The following VWA3A variants were observed in gnomAD, a reference collection of about 807,000 sequenced individuals.
The protein encoded by VWA3A is von Willebrand factor A domain-containing protein 3A.
In VWA3A, 134 loss-of-function variants were observed where a neutral mutation model predicts 160.4. The ratio of observed to expected loss-of-function variants is 0.84; its 90% CI spans 0.73 to 0.96. The LOEUF is 0.96. Among genes scored for constraint, VWA3A ranks in the 40% least tolerant of loss-of-function variants. The pLI is 0.00. For missense variants in VWA3A, 1,310 were observed against 1,447.9 expected, an observed-to-expected ratio of 0.90 and a Z score of 1.55; for synonymous variants, 476 against 543.4, an observed-to-expected ratio of 0.88 and a Z score of 1.72.
At chr16:22,102,357 AAAG>A (rs34102330) in intron 5 of VWA3A, among the ~76,000 whole-genome samples, 30,009 of 151,776 alleles carry the variant, frequency 0.2, 3,654 homozygotes, top group South Asian at 0.44. Flanking sequence ...TCTCAAATAA[AAAG>A]AAGAAGAAGA....
At chr16:22,114,222 A>G (rs576781663) in intron 8 of VWA3A, among the ~76,000 whole-genome samples, 4 of 152,288 alleles carry the variant, frequency 2.6e-5, no homozygotes, top group South Asian at 2.1e-4. Flanking sequence ...TCTCTTTCAG[A>G]TTTTTGATTT....
In VWA3A at chr16:22,111,014, G is replaced by T; in HGVS notation, c.689+20G>T. 6.4e-7 allele frequency: 1 copy of T among 1,573,522 alleles called. No homozygotes were observed. The highest frequency in any genetic ancestry group is 8.6e-7 in the Non-Finnish European group (1 of 1,158,226). ...CTCCACGTGAGTGGCTTTCCTACCT[G>T]ACGGTGATGTTCACTTGTTCATTTT... is the stretch of plus-strand genomic sequence containing the variant. On this transcript the variant is annotated intron_variant, in intron 8 of 33. Transcript: ENST00000389398.
chr16:22,148,046 C>T, intron 27 of VWA3A, 116 bp from the exon 28 acceptor site: 2 of 1,299,934 alleles, frequency 1.5e-6, no homozygotes, highest in South Asian at 3.1e-5. Context: ...AATCAATGAT[C>T]AGGCAGGCAA....
intron 14 of VWA3A, 72 bp downstream of exon 14, chr16:22,121,689 A>G: frequency 8.3e-7 from 1 of 1,207,764 alleles, no homozygotes; most frequent in East Asian, 2.4e-5. Flanking sequence ...ACCTTCATAA[A>G]TGTTCTGGCA....
intron 17 of VWA3A, among the ~76,000 whole-genome samples, chr16:22,129,401 A>AG (rs1191280431): frequency 4.5e-4 from 62 of 137,200 alleles, no homozygotes; most frequent in African/African-American, 1.6e-3. Context: ...AAAAAAAAAA[A>AG]AAAAGAAAGA....
At chr16:22,152,217 G>GA (rs1289668424) in intron 30 of VWA3A, among the ~76,000 whole-genome samples, 1 of 152,088 alleles carries the variant, frequency 6.6e-6, no homozygotes, top group East Asian at 1.9e-4. Flanking sequence ...TCTCAGAAAA[G>GA]AAAAGAAATG....
At chr16:22,115,909 GGAAGGAAGGAAGGAAA>G (rs2045628928) in intron 9 of VWA3A, among the ~76,000 whole-genome samples, 8 of 35,414 alleles carry the variant, frequency 2.3e-4, no homozygotes, top group Admixed American at 2.9e-4. Flanking sequence ...AAGGAAGGAA[GGAAGGAAGGAAGGAAA>G]GGAAAGGAAA....
At chr16:22,144,132 C>A in intron 25 of VWA3A, 115 bp from the exon 26 acceptor site, 1 of 1,296,186 alleles carries the variant, frequency 7.7e-7, no homozygotes, top group East Asian at 2.6e-5. Context: ...ACCTGGGAAT[C>A]CCACATTTCA....
chr16:22,154,676 C>A (rs553163185), intron 31 of VWA3A, among the ~76,000 whole-genome samples: 44 of 151,834 alleles, frequency 2.9e-4, no homozygotes, highest in African/African-American at 1.1e-3. Flanking sequence ...ATGCCTCAGC[C>A]GGGCGCGGTG....
Position 22,154,316 on chromosome 16 carries a change from T to C in VWA3A, c.3406-1251T>C, listed in dbSNP as rs1209194309. The stretch of plus-strand genomic sequence containing the variant: ...GCAGAAGGGATGGCTTCCTCTTTTT[T>C]CTTTTTCTTTTTTTTTTTTTTTTTT... On this transcript the variant is annotated intron_variant, in intron 31 of 33. Transcript: ENST00000389398. Among the ~76,000 whole-genome samples, 4 of 145,376 alleles carry C rather than the reference T, an allele frequency of 2.8e-5. No homozygotes were observed. In the East Asian group the frequency reaches 6.1e-4, roughly 22 times the overall value.
At chr16:22,098,706 A>C (rs983559439) in intron 3 of VWA3A, among the ~76,000 whole-genome samples, 2 of 152,170 alleles carry the variant, frequency 1.3e-5, no homozygotes, top group African/African-American at 4.8e-5. Context: ...TCAAGTATGA[A>C]TAATACAAAA....
At chr16:22,093,051 G>C (rs1901392066) in intron 1 of VWA3A, among the ~76,000 whole-genome samples, 1 of 151,972 alleles carries the variant, frequency 6.6e-6, no homozygotes, top group Non-Finnish European at 1.5e-5. Flanking sequence ...TTCCTCTCCT[G>C]CAATCACCTC....
chr16:22,120,318 A>T (rs1408469601), intron 12 of VWA3A, among the ~76,000 whole-genome samples: 1 of 152,170 alleles, frequency 6.6e-6, no homozygotes, highest in East Asian at 1.9e-4. Context: ...GGATTAAATT[A>T]TTTTTTAAAT....
intron 14 of VWA3A, among the ~76,000 whole-genome samples, chr16:22,122,871 C>T (rs35761217): frequency 5.3e-5 from 8 of 152,102 alleles, no homozygotes; most frequent in African/African-American, 1.7e-4. Flanking sequence ...CTCTAAGGCT[C>T]TCTACTTCCA....
At chr16:22,107,470 G>A (rs757592316) in intron 6 of VWA3A, among the ~76,000 whole-genome samples, 9 of 152,150 alleles carry the variant, frequency 5.9e-5, no homozygotes, top group Non-Finnish European at 1.2e-4. Flanking sequence ...GGCCAGGCAC[G>A]ATGGCTCATG....
intron 22 of VWA3A, among the ~76,000 whole-genome samples, chr16:22,139,272 G>C (rs1388766659): frequency 1.3e-5 from 2 of 152,196 alleles, no homozygotes; most frequent in African/African-American, 4.8e-5. Context: ...CTCCTCAGAG[G>C]CTGCCTCTTG....
chr16:22,150,144 G>A (rs2046323822), intron 29 of VWA3A, among the ~76,000 whole-genome samples: 1 of 152,172 alleles, frequency 6.6e-6, no homozygotes, highest in Admixed American at 6.6e-5. Flanking sequence ...GCTCACACCT[G>A]TAATCCCAGC....
rs1054970170 is a variant in VWA3A at position 22,115,448 on chromosome 16, C to A, written c.791C>A (p.Ser264Tyr). ...ATCTTCACTCTCAAGGGACTGGATT[C>A]CCTGGTGGCCATCATGAGAAGCTGG... Reference protein sequence around the residue: ...KKIFTLKGLDSLVAIMRSCPD... With the variant: ...KKIFTLKGLDYLVAIMRSCPD... Residue 264 changes from serine to tyrosine, a missense_variant, in exon 9 of 34, where the codon TCC becomes TAC. By Grantham distance (144) the Ser-to-Tyr change is moderately radical. Transcript: ENST00000389398. The A allele has an allele frequency of 3.1e-6, 5 of 1,607,924 alleles. No homozygotes were observed. The highest frequency in any genetic ancestry group is 2.7e-5 in the African/African-American group (2 of 74,718).
chr16:22,100,138 C>T, intron 3 of VWA3A, 56 bp from the exon 4 acceptor site: 2 of 1,484,824 alleles, frequency 1.3e-6, no homozygotes, highest in East Asian at 2.5e-5. Context: ...GTGAAGGGAA[C>T]CTCTTCCTTC....
Sources: allele counts gnomAD v4.1 joint callset (sites outside exome capture counted in the v4.1 genomes callset), GRCh38; gene constraint gnomAD v4.1.1; transcripts MANE v1.5; gene names NCBI Gene and HGNC (gene_info 2026-07-23, HGNC 2026-07-21).